The following SOS1 variants were observed in gnomAD, a reference collection of about 807,000 sequenced individuals.
SOS1 encodes the protein SOS Ras/Rac guanine nucleotide exchange factor 1.
In SOS1, 25 loss-of-function variants were observed where a neutral mutation model predicts 157.6. That is an observed-to-expected ratio of 0.16 (90% CI 0.12 to 0.22). SOS1 has a LOEUF of 0.22. Among genes scored for constraint, SOS1 ranks in the 10% least tolerant of loss-of-function variants. The pLI is 1.00. For synonymous variants in SOS1, 528 were observed against 534.0 expected, an observed-to-expected ratio of 0.99 and a Z score of 0.16; for missense variants, 1,237 against 1,599.1, an observed-to-expected ratio of 0.77 and a Z score of 3.86.
At chr2:39,093,833 T>C (rs1207936532) in intron 1 of SOS1, among the ~76,000 whole-genome samples, 1 of 152,244 alleles carries the variant, frequency 6.6e-6, no homozygotes, top group Non-Finnish European at 1.5e-5. Context: ...TTGCTACTTT[T>C]ACTGGAAGGA....
At chr2:38,992,328 G>A (rs1476384661) in intron 20 of SOS1, 1 of 152,152 alleles carries the variant, frequency 6.6e-6, no homozygotes. Context: ...GTTATTTTCA[G>A]TTTTTAACCA....
rs769374666 is a variant in SOS1 at position 39,022,820 on chromosome 2, A to G, written c.1608T>C (p.Asn536=). The change falls in exon 10 of 23, where the codon AAT becomes AAC. Residue 536 remains asparagine (N), a synonymous_variant. Transcript: ENST00000402219. ...FSAKSAEEKN[N]WMAALISLQY... is the part of the protein sequence containing the mutation. ...GTAAAGATATCAATGCTGCCATCCA[A>G]TTGTTTTTCTCTTCAGCTGACTTGG... 1.2e-5 allele frequency: 20 copies of G among 1,613,466 alleles called. No homozygotes were observed. The South Asian group carries it at 1.6e-4, about 13-fold the overall frequency.
intron 1 of SOS1, among the ~76,000 whole-genome samples, chr2:39,110,229 C>T (rs1472718788): frequency 6.6e-6 from 1 of 151,960 alleles, no homozygotes; most frequent in Non-Finnish European, 1.5e-5. Context: ...TCCCACATAC[C>T]TTAAATCATC....
Position 38,985,750 on chromosome 2 carries a change from C to T in SOS1, c.*74G>A. On this transcript the variant is annotated 3_prime_UTR_variant, in exon 23 of 23. Transcript: ENST00000402219. ...GAGTTCTCATTTTAACTCCTCAGTG[C>T]TGGCACATTCAGTGCATCCATTGCC... 1.3e-6 allele frequency: 2 copies of T among 1,554,558 alleles called. No individual in the cohort carries two copies. The highest frequency in any genetic ancestry group is 1.8e-6 in the Non-Finnish European group (2 of 1,128,760).
intron 4 of SOS1, among the ~76,000 whole-genome samples, chr2:39,056,197 A>G (rs1039717373): frequency 6.6e-6 from 1 of 152,134 alleles, no homozygotes; most frequent in Non-Finnish European, 1.5e-5. Flanking sequence ...TGGGAGGCCA[A>G]GGCGGTCAGG....
chr2:39,012,937 C>T (rs899858388), intron 13 of SOS1, among the ~76,000 whole-genome samples: 16 of 152,042 alleles, frequency 1.1e-4, no homozygotes, highest in Admixed American at 9.8e-4. Context: ...CATACACTCA[C>T]GTAATCTTTA....
chr2:39,062,826 C>T (rs184200701), intron 2 of SOS1, among the ~76,000 whole-genome samples: 1 of 151,918 alleles, frequency 6.6e-6, no homozygotes, highest in Non-Finnish European at 1.5e-5. Context: ...TAGCTTTTGC[C>T]TCTATTTTTT....
rs1239030375 is a variant in SOS1 at position 38,984,482 on chromosome 2, T to G, written c.*1342A>C. On this transcript the variant is annotated 3_prime_UTR_variant, in exon 23 of 23. Coordinates refer to ENST00000402219, the MANE Select transcript of SOS1 (RefSeq NM_005633.4). ...CCTTAACAAACTGTATACTTGTTGCTTAGGAACTTAAAACTTACTTACAAA... is the reference window on the plus strand; with the variant it reads ...CCTTAACAAACTGTATACTTGTTGCGTAGGAACTTAAAACTTACTTACAAA... 4 of 148,180 alleles carry G rather than the reference T, an allele frequency of 2.7e-5. No individual in the cohort carries two copies. Among genetic ancestry groups the G allele is most frequent in the African/African-American group, 1.1e-4 (4 of 37,566 alleles). 9.2% of individuals were successfully genotyped at this position (148,180 alleles called of 1,614,324 possible).
chr2:39,024,284 T>C, intron 8 of SOS1, 147 bp from the exon 9 acceptor site: 1 of 722,736 alleles, frequency 1.4e-6, no homozygotes, highest in South Asian at 1.8e-5. Context: ...TAAAAGTGTT[T>C]TTCTTGTGTG....
chr2:39,119,277 G>A (rs1673774759), intron 1 of SOS1, among the ~76,000 whole-genome samples: 1 of 152,198 alleles, frequency 6.6e-6, no homozygotes, highest in Non-Finnish European at 1.5e-5. Flanking sequence ...ATTTAAGCCA[G>A]AAATATATGA....
At chr2:39,116,360 T>C (rs1040735453) in intron 1 of SOS1, among the ~76,000 whole-genome samples, 19 of 152,320 alleles carry the variant, frequency 1.2e-4, no homozygotes, top group African/African-American at 4.6e-4. Context: ...TCCTGTCAAT[T>C]TTGCCTTGTA....
intron 6 of SOS1, among the ~76,000 whole-genome samples, chr2:39,048,425 G>C (rs532741491): frequency 1.8e-4 from 27 of 151,432 alleles, no homozygotes; most frequent in Non-Finnish European, 3.4e-4. Flanking sequence ...CTTTAAGACA[G>C]AGTCTTGCTC....
chr2:39,062,518 AT>A (rs1371991429), intron 2 of SOS1, among the ~76,000 whole-genome samples: 4 of 151,286 alleles, frequency 2.6e-5, no homozygotes, highest in Admixed American at 1.3e-4. Context: ...AAGAAAAAAA[AT>A]GAACGGAAAA....
chr2:39,072,777 T>G (rs1238729356), intron 1 of SOS1, among the ~76,000 whole-genome samples: 1 of 152,194 alleles, frequency 6.6e-6, no homozygotes, highest in Non-Finnish European at 1.5e-5. Context: ...CTTCTAGACA[T>G]TAACCATTTT....
At chr2:39,053,329 A>G (rs1282662924) in intron 5 of SOS1, among the ~76,000 whole-genome samples, 1 of 152,144 alleles carries the variant, frequency 6.6e-6, no homozygotes, top group Non-Finnish European at 1.5e-5. Context: ...GTAGTATGTC[A>G]TGGTTTTAAT....
At chr2:39,084,542 C>T (rs1442640818) in intron 1 of SOS1, among the ~76,000 whole-genome samples, 1 of 151,958 alleles carries the variant, frequency 6.6e-6, no homozygotes, top group Non-Finnish European at 1.5e-5. Flanking sequence ...ATGAATCATT[C>T]CTCCCCCAAA....
intron 6 of SOS1, 103 bp from the exon 7 acceptor site, chr2:39,035,603 G>T: frequency 1.2e-6 from 1 of 816,498 alleles, no homozygotes; most frequent in Non-Finnish European, 2.1e-6. Flanking sequence ...GTATGTCTTT[G>T]AAAGTCTCTA....
In SOS1 at chr2:39,063,967, G is replaced by A. The variant is rs538041439; in HGVS notation, c.213+3661C>T. Among the ~76,000 whole-genome samples the A allele has an allele frequency of 3.9e-5, 6 of 151,982 alleles. No individual in the cohort carries two copies. The East Asian group carries it at 1.2e-3, about 29-fold the overall frequency. On this transcript the variant is annotated intron_variant, in intron 2 of 22. Coordinates refer to ENST00000402219, the MANE Select transcript of SOS1 (RefSeq NM_005633.4). ...CCCACCTCAACCTCTCAGGTGGCTG[G>A]GACTACAGGCATGTAGCCCCATGGC...
intron 8 of SOS1, among the ~76,000 whole-genome samples, 200 bp downstream of exon 8, chr2:39,035,012 C>A (rs1347961709): frequency 6.6e-6 from 1 of 151,586 alleles, no homozygotes; most frequent in Non-Finnish European, 1.5e-5. Context: ...AATTAAAAAA[C>A]AACAAAAATA....
Sources: allele counts gnomAD v4.1 joint callset (sites outside exome capture counted in the v4.1 genomes callset), GRCh38; gene constraint gnomAD v4.1.1; transcripts MANE v1.5; gene names NCBI Gene and HGNC (gene_info 2026-07-23, HGNC 2026-07-21).